The following SLC44A5 variants were observed in gnomAD, a reference collection of about 807,000 sequenced individuals.
The protein encoded by SLC44A5 is solute carrier family 44 member 5.
SLC44A5 carries 57 observed loss-of-function variants against 101.8 expected under a neutral mutation model. The ratio of observed to expected loss-of-function variants is 0.56; its 90% CI spans 0.45 to 0.70. The LOEUF (loss-of-function observed/expected upper bound fraction) is 0.70. Ranked by LOEUF, SLC44A5 falls within the 30% of genes least tolerant of loss-of-function variation. The probability of loss-of-function intolerance (pLI) is 0.00; values close to 1 mark genes in which losing one functional copy is unlikely to be tolerated. For missense variants in SLC44A5, 737 were observed against 853.1 expected, an observed-to-expected ratio of 0.86 and a Z score of 1.70; for synonymous variants, 281 against 290.9, an observed-to-expected ratio of 0.97 and a Z score of 0.35.
chr1:75,499,989 A>G (rs1039250993), intron 2 of SLC44A5, among the ~76,000 whole-genome samples: 5 of 152,242 alleles, frequency 3.3e-5, no homozygotes, highest in East Asian at 1.9e-4. Context: ...CCCATCCACT[A>G]TCTGGCTGTC....
the SLC44A5 span, chr1:75,642,127 A>G: frequency 1.1e-6 from 1 of 951,380 alleles, no homozygotes; most frequent in Non-Finnish European, 1.6e-6. Flanking sequence ...GAAGTGATAT[A>G]TATTAAAACT....
intron 2 of SLC44A5, among the ~76,000 whole-genome samples, chr1:75,503,276 A>G (rs1669067095): frequency 6.6e-6 from 1 of 152,212 alleles, no homozygotes; most frequent in East Asian, 1.9e-4. Flanking sequence ...TTCTCTTCAA[A>G]AAATGCACTA....
chr1:75,215,838 A>G lies in SLC44A5; in HGVS notation c.1644T>C (p.Ser548=), dbSNP rs1241116316. Residue 548 remains serine, a synonymous_variant, in exon 19 of 24, where the codon TCT becomes TCC. Transcript: ENST00000370859. ...HRLKRTQNTL[S]KFLQCCLRCC... Reference sequence around the variant, plus strand: ...ATCTCAGGCAGCATTGTAGGAATTTAGACAATGTGTTCTGGGTACCTATGA... The same window carrying G: ...ATCTCAGGCAGCATTGTAGGAATTTGGACAATGTGTTCTGGGTACCTATGA... 1 of 1,599,284 alleles carries G rather than the reference A, an allele frequency of 6.3e-7. No homozygotes were observed. Among genetic ancestry groups the G allele is most frequent in the East Asian group, 2.2e-5 (1 of 44,652 alleles).
intron 3 of SLC44A5, among the ~76,000 whole-genome samples, chr1:75,391,002 G>T (rs930827947): frequency 3.9e-5 from 6 of 152,044 alleles, no homozygotes; most frequent in Admixed American, 3.9e-4. Context: ...AAAGTTTTAG[G>T]ATACAAAATC....
At chr1:75,361,003 T>C (rs1386107417) in intron 3 of SLC44A5, among the ~76,000 whole-genome samples, 1 of 152,164 alleles carries the variant, frequency 6.6e-6, no homozygotes, top group Non-Finnish European at 1.5e-5. Flanking sequence ...TTTACAGTTT[T>C]TGGTATACAA....
rs541030820 is a variant in SLC44A5, at chr1:75,417,608, T to A, written c.14-20987A>T. Among the ~76,000 whole-genome samples the A allele has an allele frequency of 9.2e-5, 14 of 152,370 alleles. No individual in the cohort carries two copies. The South Asian group carries it at 2.9e-3, about 32-fold the overall frequency. Reference sequence around the variant, plus strand: ...TTTGGAAGACTGATGATTAATTTATTTCTGGACATAGGTGAGATCTCCAGA... The same window carrying A: ...TTTGGAAGACTGATGATTAATTTATATCTGGACATAGGTGAGATCTCCAGA... On this transcript the variant is annotated intron_variant, in intron 2 of 23. Transcript: ENST00000370859.
At chr1:75,723,403 G>A in the SLC44A5 span, among the ~76,000 whole-genome samples, 2 of 137,288 alleles carry the variant, frequency 1.5e-5, no homozygotes, top group African/African-American at 4.9e-5. Flanking sequence ...TCGAGCTGCA[G>A]GCACAGACAA....
chr1:75,414,947 G>A (rs989898853), intron 2 of SLC44A5, among the ~76,000 whole-genome samples: 2 of 152,092 alleles, frequency 1.3e-5, no homozygotes, highest in African/African-American at 4.8e-5. Flanking sequence ...TTCTAAGCAT[G>A]AAAAAAATTG....
At chr1:75,406,488 C>A (rs905701433) in intron 2 of SLC44A5, among the ~76,000 whole-genome samples, 1 of 152,178 alleles carries the variant, frequency 6.6e-6, no homozygotes, top group Non-Finnish European at 1.5e-5. Flanking sequence ...CCAAATCCGG[C>A]AGCACATCAA....
At chr1:75,243,171 C>A (rs1356766180) in intron 7 of SLC44A5, among the ~76,000 whole-genome samples, 160 bp from the exon 8 acceptor site, 1 of 152,010 alleles carries the variant, frequency 6.6e-6, no homozygotes, top group Admixed American at 6.6e-5. Flanking sequence ...CTTTTTCTTT[C>A]TTTTTTATTT....
intron 2 of SLC44A5, among the ~76,000 whole-genome samples, chr1:75,399,183 A>G (rs960361211): frequency 2.0e-5 from 3 of 152,042 alleles, no homozygotes; most frequent in African/African-American, 7.3e-5. Flanking sequence ...ATTAAAAAGA[A>G]GCAAGACCCT....
At chr1:75,374,563 A>C (rs1302083411) in intron 3 of SLC44A5, among the ~76,000 whole-genome samples, 3 of 152,046 alleles carry the variant, frequency 2.0e-5, no homozygotes, top group Non-Finnish European at 4.4e-5. Flanking sequence ...TTTGCCCCCC[A>C]TTCCCCTCCC....
chr1:75,275,762 C>T (rs1009765695), intron 5 of SLC44A5, among the ~76,000 whole-genome samples: 2 of 151,944 alleles, frequency 1.3e-5, no homozygotes, highest in East Asian at 1.9e-4. Context: ...CAGAGAGTAA[C>T]GTATATTAGG....
chr1:75,478,807 C>T (rs1667613705), intron 2 of SLC44A5, among the ~76,000 whole-genome samples: 1 of 152,194 alleles, frequency 6.6e-6, no homozygotes, highest in South Asian at 2.1e-4. Flanking sequence ...ATAATGGAGA[C>T]TTTAACACCC....
At chr1:75,467,325 A>C (rs971886412) in intron 2 of SLC44A5, among the ~76,000 whole-genome samples, 1 of 152,210 alleles carries the variant, frequency 6.6e-6, no homozygotes, top group Non-Finnish European at 1.5e-5. Context: ...AAATAGAAAA[A>C]ACAATCCTAA....
chr1:75,713,463 T>A, the SLC44A5 span, among the ~76,000 whole-genome samples: 1 of 152,204 alleles, frequency 6.6e-6, no homozygotes, highest in Non-Finnish European at 1.5e-5. Context: ...CAAAGGATTC[T>A]CAGATCCATT....
intron 2 of SLC44A5, among the ~76,000 whole-genome samples, chr1:75,447,247 T>A (rs1432696676): frequency 6.6e-6 from 1 of 152,188 alleles, no homozygotes; most frequent in Non-Finnish European, 1.5e-5. Context: ...ATATTTTCTA[T>A]TAAGATCATT....
At chr1:75,470,744 G>A (rs1208122001) in intron 2 of SLC44A5, among the ~76,000 whole-genome samples, 1 of 145,042 alleles carries the variant, frequency 6.9e-6, no homozygotes, top group Non-Finnish European at 1.5e-5. Flanking sequence ...ATGGCATGTC[G>A]AAAAACTGAG....
chr1:75,561,948 A>G (rs182071374), intron 1 of SLC44A5, among the ~76,000 whole-genome samples: 2 of 150,726 alleles, frequency 1.3e-5, no homozygotes, highest in African/African-American at 2.5e-5. Flanking sequence ...TAAGAACACA[A>G]TTTTGGGAGG....
Sources: gnomAD v4.1 joint callset for allele counts (sites outside exome capture counted in the v4.1 genomes callset) on GRCh38, gnomAD v4.1.1 for gene constraint, MANE v1.5 for transcripts, NCBI Gene and HGNC (gene_info 2026-07-23, HGNC 2026-07-21) for gene names.